RFWD3: variants seen among roughly 807,000 people sequenced by gnomAD.
The protein encoded by RFWD3 is ring finger and WD repeat domain 3, also known as E3 ubiquitin-protein ligase RFWD3.
In RFWD3, 65 loss-of-function variants were observed where a neutral mutation model predicts 87.7. The ratio of observed to expected loss-of-function variants is 0.74; its 90% CI spans 0.61 to 0.91. The LOEUF is 0.91. Ranked by LOEUF, RFWD3 falls within the 40% of genes least tolerant of loss-of-function variation. The pLI, the probability that RFWD3 is intolerant of heterozygous loss-of-function variation, is 0.00. For synonymous variants in RFWD3, 433 were observed against 352.8 expected, an observed-to-expected ratio of 1.23 and a Z score of -2.55; for missense variants, 1,078 against 938.5, an observed-to-expected ratio of 1.15 and a Z score of -1.94.
At chr16:74,632,746 T>C in intron 8 of RFWD3, 73 bp from the exon 9 acceptor site, 1 of 1,404,398 alleles carries the variant, frequency 7.1e-7, no homozygotes, top group Non-Finnish European at 9.9e-7. Context: ...GTTTTTCAAG[T>C]AGCTCCTTCG....
At chr16:74,657,430 T>C (rs556809093) in intron 2 of RFWD3, among the ~76,000 whole-genome samples, 31 of 152,194 alleles carry the variant, frequency 2.0e-4, no homozygotes, top group Non-Finnish European at 4.1e-4. Context: ...TAATTCTCTG[T>C]GGTCCTTACT....
chr16:74,634,889 C>T (rs1959180958), intron 8 of RFWD3, among the ~76,000 whole-genome samples: 1 of 151,984 alleles, frequency 6.6e-6, no homozygotes, highest in African/African-American at 2.4e-5. Flanking sequence ...TGCCTGTAAT[C>T]CCAGTACTTT....
In RFWD3 at chr16:74,636,565, G is replaced by C. The variant is rs889152263; in HGVS notation, c.1207C>G (p.Leu403Val). 1 of 1,612,106 alleles carries C rather than the reference G, an allele frequency of 6.2e-7. No homozygotes were observed. Among genetic ancestry groups the C allele is most frequent in the African/African-American group, 1.3e-5 (1 of 74,820 alleles). Residue 403 changes from leucine to valine, a missense_variant, in exon 8 of 13, where the codon CTT becomes GTT. Coordinates refer to ENST00000361070, the MANE Select transcript of RFWD3 (RefSeq NM_018124.4). The stretch of plus-strand genomic sequence containing the variant: ...AAATTCTGACTTTGATGTGACGTAA[G>C]TTTTTGCAAGTCCTAAAATGAAAAA... ...LQRRVQDLQK[L>V]TSHQSQNLQQ...
At position 74,663,889 on chromosome 16, in the gene RFWD3, T is replaced by C. The variant is rs370831188; in HGVS notation, c.-2-2438A>G. Among the ~76,000 whole-genome samples, 222 of 152,262 alleles carry C rather than the reference T, an allele frequency of 1.5e-3. 2 individuals carry two copies. Among genetic ancestry groups the C allele is most frequent in the African/African-American group, 5.2e-3 (218 of 41,538 alleles). ...TACCACAAAAGGCAATATTGAAAGA[T>C]GGCGCTAAAAGAGAAGGGCTGGTTA... On this transcript the variant is annotated intron_variant, in intron 1 of 12. Coordinates refer to ENST00000361070, the MANE Select transcript of RFWD3 (RefSeq NM_018124.4).
intron 6 of RFWD3, among the ~76,000 whole-genome samples, chr16:74,640,010 T>C (rs1050162029): frequency 9.2e-5 from 14 of 152,206 alleles, no homozygotes; most frequent in African/African-American, 3.4e-4. Context: ...CTGTTCCTAA[T>C]TTATAAATTA....
intron 9 of RFWD3, among the ~76,000 whole-genome samples, chr16:74,632,057 A>G (rs1203126760): frequency 2.6e-5 from 4 of 152,206 alleles, no homozygotes; most frequent in African/African-American, 7.2e-5. Flanking sequence ...AATATATTTT[A>G]AATGGATCTC....
At chr16:74,650,329 A>C (rs1597445630) in intron 3 of RFWD3, among the ~76,000 whole-genome samples, 1 of 151,728 alleles carries the variant, frequency 6.6e-6, no homozygotes, top group East Asian at 1.9e-4. Flanking sequence ...GGTTGTTAGA[A>C]AACAGTCTTG....
At chr16:74,656,676 T>G (rs929391771) in intron 2 of RFWD3, among the ~76,000 whole-genome samples, 2 of 152,182 alleles carry the variant, frequency 1.3e-5, no homozygotes, top group African/African-American at 4.8e-5. Context: ...CAGGTTGGTC[T>G]TGAACTCCTG....
In RFWD3 at chr16:74,652,062, A is replaced by G; in HGVS notation, c.579T>C (p.Ala193=). Residue 193 remains alanine, a synonymous_variant, in exon 3 of 13, where the codon GCT becomes GCC. Coordinates refer to ENST00000361070, the MANE Select transcript of RFWD3 (RefSeq NM_018124.4). ...QVSRTQPDLP[A]TTYDSETRNP... ...TCCTAGTCTCTGAATCATAAGTGGTAGCTGGCAAGTCAGGCTGGGTCCTGC... is the reference window on the plus strand; with the variant it reads ...TCCTAGTCTCTGAATCATAAGTGGTGGCTGGCAAGTCAGGCTGGGTCCTGC... 1.2e-6 allele frequency: 2 copies of G among 1,614,196 alleles called. No homozygotes were observed. The highest frequency in any genetic ancestry group is 1.7e-6 in the Non-Finnish European group (2 of 1,180,036).
intron 6 of RFWD3, 68 bp downstream of exon 6, chr16:74,644,294 T>C (rs1196785254): frequency 1.6e-5 from 24 of 1,497,404 alleles, no homozygotes; most frequent in Non-Finnish European, 2.2e-5. Flanking sequence ...ACTCATAACT[T>C]CTTTTTCAGA....
intron 8 of RFWD3, among the ~76,000 whole-genome samples, chr16:74,635,010 G>A (rs1164478025): frequency 1.3e-5 from 2 of 152,092 alleles, no homozygotes; most frequent in Non-Finnish European, 2.9e-5. Context: ...GCCGGGCGCG[G>A]TGGCTCACGC....
chr16:74,629,638 A>G (rs1214359056), intron 10 of RFWD3, among the ~76,000 whole-genome samples: 1 of 151,694 alleles, frequency 6.6e-6, no homozygotes, highest in Non-Finnish European at 1.5e-5. Flanking sequence ...AAAAAACAAA[A>G]CAAAACAAAA....
chr16:74,622,019 C>T lies in RFWD3; in HGVS notation c.*1909G>A, dbSNP rs1252466761. 1 of 152,178 alleles carries T rather than the reference C, an allele frequency of 6.6e-6. No individual in the cohort carries two copies. Among genetic ancestry groups the T allele is most frequent in the African/African-American group, 2.4e-5 (1 of 41,438 alleles). The allele number at this position is 152,178 out of a possible 1,614,324, so 9.4% of individuals were successfully genotyped here. On this transcript the variant is annotated 3_prime_UTR_variant, in exon 13 of 13. Coordinates refer to ENST00000361070, the MANE Select transcript of RFWD3 (RefSeq NM_018124.4). ...AAGGACTGGTAAGACTTAAGATTCA[C>T]ATAACGTCCCTCATAGTTAAGTCTC...
In RFWD3 at chr16:74,623,682, G is replaced by C. The variant is rs1958832225; in HGVS notation, c.*246C>G. ...CCAACATACAATAATGGTTAATGAA[G>C]GCTTTAAACCCAAGAAATGGATAAT... On this transcript the variant is annotated 3_prime_UTR_variant, in exon 13 of 13. Coordinates refer to ENST00000361070, the MANE Select transcript of RFWD3 (RefSeq NM_018124.4). The C allele has an allele frequency of 2.6e-6, 1 of 391,806 alleles. No individual in the cohort carries two copies. The highest frequency in any genetic ancestry group is 4.4e-5 in the East Asian group (1 of 22,528). The allele number at this position is 391,806 out of a possible 1,614,324, so 24.3% of individuals were successfully genotyped here.
chr16:74,658,747 T>G (rs1461557796), intron 2 of RFWD3, among the ~76,000 whole-genome samples: 1 of 151,756 alleles, frequency 6.6e-6, no homozygotes, highest in Admixed American at 6.6e-5. Context: ...TATAACTCAT[T>G]CCCTGAGCAG....
intron 2 of RFWD3, among the ~76,000 whole-genome samples, chr16:74,653,258 G>A (rs1960702951): frequency 6.6e-6 from 1 of 152,130 alleles, no homozygotes; most frequent in Admixed American, 6.6e-5. Flanking sequence ...AGGATGGCTT[G>A]AGCCTGGGAG....
At chr16:74,660,578 AAATT>A (rs1165304010) in intron 2 of RFWD3, 1 of 209,598 alleles carries the variant, frequency 4.8e-6, no homozygotes, top group Non-Finnish European at 9.6e-6. Context: ...CTATGAAAGA[AAATT>A]AATTAATTGT....
chr16:74,654,192 T>A (rs940119891), intron 2 of RFWD3, among the ~76,000 whole-genome samples: 11 of 152,216 alleles, frequency 7.2e-5, no homozygotes, highest in African/African-American at 2.7e-4. Flanking sequence ...TTTAGTATTT[T>A]GAGTCTTCTC....
At chr16:74,658,452 T>C (rs1367018648) in intron 2 of RFWD3, among the ~76,000 whole-genome samples, 8 of 152,234 alleles carry the variant, frequency 5.3e-5, no homozygotes, top group African/African-American at 1.9e-4. Flanking sequence ...GCTGTTCACC[T>C]TGGCCCAGGC....
Sources: gnomAD v4.1 joint callset for allele counts (sites outside exome capture counted in the v4.1 genomes callset) on GRCh38, gnomAD v4.1.1 for gene constraint, MANE v1.5 for transcripts, NCBI Gene and HGNC (gene_info 2026-07-23, HGNC 2026-07-21) for gene names.